Variants in TRIM61 observed in about 807,000 individuals in gnomAD.
TRIM61 encodes tripartite motif containing 61.
In TRIM61, 1 loss-of-function variant was observed where a neutral mutation model predicts 14.2. That is an observed-to-expected ratio of 0.07 (90% confidence interval 0.03 to 0.33). The LOEUF is 0.33. TRIM61 is among the 10% of genes least tolerant of loss of function. TRIM61 has a pLI of 0.99. For synonymous variants in TRIM61, 8 were observed against 71.6 expected (o/e 0.11, Z 4.49); for missense variants, 19 against 202.2 (o/e 0.09, Z 5.49).
At chr4:164,973,747 A>C (rs921662642) in intron 2 of TRIM61, among the ~76,000 whole-genome samples, 2 of 152,270 alleles carry the variant, frequency 1.3e-5, no homozygotes, top group African/African-American at 4.8e-5. Context: ...TTGTAGGACT[A>C]TCTCAGAAAA....
intron 1 of TRIM61, 116 bp downstream of exon 1, chr4:164,977,415 T>C (rs1732505805): frequency 6.6e-6 from 1 of 152,240 alleles, no homozygotes; most frequent in East Asian, 1.9e-4. Flanking sequence ...GGAGATCCAG[T>C]CGTGGGCAGG....
At chr4:164,972,737 C>T (rs1283518348) in intron 2 of TRIM61, among the ~76,000 whole-genome samples, 1 of 152,200 alleles carries the variant, frequency 6.6e-6, no homozygotes, top group Non-Finnish European at 1.5e-5. Flanking sequence ...GATCGGCCCA[C>T]CTTGGCCTCC....
At chr4:164,976,538 T>C (rs1364076184) in intron 2 of TRIM61, 150 bp downstream of exon 2, 1 of 152,202 alleles carries the variant, frequency 6.6e-6, no homozygotes, top group African/African-American at 2.4e-5. Flanking sequence ...ACCACTTATG[T>C]CTCTCTCCTA....
At chr4:164,974,061 T>C (rs1732428411) in intron 2 of TRIM61, among the ~76,000 whole-genome samples, 1 of 152,196 alleles carries the variant, frequency 6.6e-6, no homozygotes, top group Non-Finnish European at 1.5e-5. Flanking sequence ...TTCCAGCTAC[T>C]TGGAAGGCTG....
At chr4:164,968,716 A>C in intron 3 of TRIM61, 10 of 983,848 alleles carry the variant, frequency 1.0e-5, no homozygotes, top group Non-Finnish European at 1.2e-5. Flanking sequence ...TCAAATTATA[A>C]AAGGAAACTT....
At chr4:164,974,848 C>G (rs1732447115) in intron 2 of TRIM61, among the ~76,000 whole-genome samples, 1 of 152,142 alleles carries the variant, frequency 6.6e-6, no homozygotes, top group East Asian at 1.9e-4. Context: ...TACTGTTGAG[C>G]AGAACAAGAA....
intron 1 of TRIM61, among the ~76,000 whole-genome samples, chr4:164,977,172 C>T (rs1198576194): frequency 1.3e-5 from 2 of 152,106 alleles, no homozygotes; most frequent in Admixed American, 6.6e-5. Context: ...TTACATAGGT[C>T]GAGGGTGCAG....
Position 164,957,594 on chromosome 4 carries a change from A to C in TRIM61, c.526-2498T>G, listed in dbSNP as rs2111130770. On this transcript the variant is annotated intron_variant, in intron 3 of 4. Transcript: ENST00000329314. ...ATAAGCCAAAACTAAACCAATCGTT[A>C]TGTTAACTAAAAATACATGAATGCT... is the stretch of plus-strand genomic sequence containing the variant. The C allele has an allele frequency of 4.7e-6, 6 of 1,275,278 alleles. No individual in the cohort carries two copies. The East Asian group carries it at 1.5e-4, about 32-fold the overall frequency. 79.0% of individuals were successfully genotyped at this position (1,275,278 alleles called of 1,614,324 possible). A position where few individuals can be genotyped will look rare whatever the true frequency, so the allele number is the denominator to read the frequency against.
intron 3 of TRIM61, among the ~76,000 whole-genome samples, chr4:164,963,771 C>CAAACTACAT (rs1732184566): frequency 2.0e-5 from 3 of 148,154 alleles, no homozygotes; most frequent in African/African-American, 7.4e-5. Context: ...AGAAATCACA[C>CAAACTACAT]AAACTACATT....
chr4:164,964,914 T>A (rs1026931037), intron 3 of TRIM61, among the ~76,000 whole-genome samples: 3 of 152,210 alleles, frequency 2.0e-5, no homozygotes, highest in African/African-American at 7.2e-5. Flanking sequence ...CTAATAACAC[T>A]TATTTCACCA....
At chr4:164,965,819 T>C (rs1369729828) in intron 3 of TRIM61, among the ~76,000 whole-genome samples, 2 of 143,434 alleles carry the variant, frequency 1.4e-5, no homozygotes, top group African/African-American at 2.5e-5. Context: ...TGAATTGTTT[T>C]AAAACTATAA....
intron 2 of TRIM61, among the ~76,000 whole-genome samples, chr4:164,975,996 C>T (rs1274309698): frequency 6.6e-6 from 1 of 152,170 alleles, no homozygotes; most frequent in African/African-American, 2.4e-5. Flanking sequence ...TGCAGTAATG[C>T]TGACTTGTTA....
At chr4:164,966,822 G>A (rs370282303) in intron 3 of TRIM61, among the ~76,000 whole-genome samples, 5 of 152,218 alleles carry the variant, frequency 3.3e-5, no homozygotes, top group African/African-American at 1.2e-4. Context: ...GAGAGGGTGC[G>A]GTGCTGAGGC....
At chr4:164,965,144 C>T (rs1732208659) in intron 3 of TRIM61, among the ~76,000 whole-genome samples, 1 of 151,968 alleles carries the variant, frequency 6.6e-6, no homozygotes, top group African/African-American at 2.4e-5. Flanking sequence ...AAAAATTGAC[C>T]GGGCACGGTG....
At chr4:164,957,275 T>C in intron 3 of TRIM61, 1 of 1,614,176 alleles carries the variant, frequency 6.2e-7, no homozygotes, top group Non-Finnish European at 8.5e-7. Flanking sequence ...AATCGTTTTC[T>C]CCGCGTGCCC....
chr4:164,957,603 A>T, intron 3 of TRIM61: 1 of 1,199,670 alleles, frequency 8.3e-7, no homozygotes. Flanking sequence ...TATGTTAACT[A>T]AAAATACATG....
chr4:164,959,081 A>G (rs1732077315), intron 3 of TRIM61: 1 of 167,098 alleles, frequency 6.0e-6, no homozygotes, highest in South Asian at 2.1e-4. Flanking sequence ...TCTTTGATAC[A>G]CAAATTTTGT....
At position 164,960,587 on chromosome 4, in the gene TRIM61, A is replaced by AC. The variant is rs1480398789; in HGVS notation, c.526-5492_526-5491insG. On this transcript the variant is annotated intron_variant, in intron 3 of 4. Coordinates refer to ENST00000329314, the MANE Select transcript of TRIM61 (RefSeq NM_001012414.3). ...AAAAAAGGAAAAAAAATTTCCTGTT[A>AC]TGTAAACTACCCAGTTTGTGATACC... is the stretch of plus-strand genomic sequence containing the variant. Among the ~76,000 whole-genome samples, 291 of 151,724 alleles carry AC rather than the reference A, an allele frequency of 1.9e-3. 1 individual carries two copies. Among genetic ancestry groups the AC allele is most frequent in the African/African-American group, 6.7e-3 (277 of 41,386 alleles).
At chr4:164,960,067 A>T (rs934032275) in intron 3 of TRIM61, among the ~76,000 whole-genome samples, 3 of 152,188 alleles carry the variant, frequency 2.0e-5, no homozygotes, top group Admixed American at 1.3e-4. Context: ...GGAAGATTAT[A>T]TGAGGAAACA....
Sources: gnomAD v4.1 joint callset for allele counts (sites outside exome capture counted in the v4.1 genomes callset) on GRCh38, gnomAD v4.1.1 for gene constraint, MANE v1.5 for transcripts, NCBI Gene and HGNC (gene_info 2026-07-23, HGNC 2026-07-21) for gene names.